DRC4: variants seen among roughly 807,000 people sequenced by gnomAD.
DRC4 encodes the protein GAS-11.
the DRC4 span, chr16:90,044,649 A>T: frequency 6.4e-6 from 3 of 469,254 alleles, no homozygotes; most frequent in East Asian, 7.0e-5. Context: ...GGCTGCAGAG[A>T]TGGGGACCAG....
the DRC4 span, chr16:90,042,228 G>T: frequency 8.8e-6 from 5 of 567,046 alleles, no homozygotes; most frequent in Non-Finnish European, 1.3e-5. Flanking sequence ...GAGCGGCAGT[G>T]CCTGGCCTGG....
At chr16:90,041,572 GA>G in the DRC4 span, among the ~76,000 whole-genome samples, 1 of 152,218 alleles carries the variant, frequency 6.6e-6, no homozygotes, top group Non-Finnish European at 1.5e-5. Flanking sequence ...TTGGGAGGCT[GA>G]GGTGGGCAGA....
At chr16:90,041,483 G>A in the DRC4 span, among the ~76,000 whole-genome samples, 8 of 152,308 alleles carry the variant, frequency 5.3e-5, no homozygotes, top group African/African-American at 1.7e-4. Flanking sequence ...CGGGGCCAGC[G>A]CTGCTGAAGA....
At chr16:90,032,181 A>G in the DRC4 span, among the ~76,000 whole-genome samples, 1 of 149,634 alleles carries the variant, frequency 6.7e-6, no homozygotes, top group Non-Finnish European at 1.5e-5. Context: ...GGGTACAGGT[A>G]TGTACAGGTG....
the DRC4 span, chr16:90,037,090 T>C: frequency 1.4e-6 from 1 of 736,652 alleles, no homozygotes; most frequent in Non-Finnish European, 2.2e-6. Flanking sequence ...TGTTTATACA[T>C]AGAAGACGTC....
chr16:90,031,543 C>G, the DRC4 span: 5 of 1,516,890 alleles, frequency 3.3e-6, no homozygotes, highest in Middle Eastern at 1.9e-4. Context: ...CCACAGAGCC[C>G]CAGAGGAGCT....
chr16:90,044,679 T>C, the DRC4 span: 1 of 462,082 alleles, frequency 2.2e-6, no homozygotes, highest in Non-Finnish European at 4.5e-6. Flanking sequence ...ACCCCAGCTT[T>C]CCTGGGTCTG....
At chr16:90,037,173 C>A in the DRC4 span, 1 of 1,512,640 alleles carries the variant, frequency 6.6e-7, no homozygotes, top group Non-Finnish European at 8.9e-7. Context: ...ACCATGCAGG[C>A]CACAGCCCCT....
At chr16:90,027,378 A>G in the DRC4 span, among the ~76,000 whole-genome samples, 88 of 152,154 alleles carry the variant, frequency 5.8e-4, no homozygotes, top group Non-Finnish European at 3.7e-4. Context: ...GTGAGCCACC[A>G]CGCCCGGCTC....
the DRC4 span, chr16:90,035,758 C>T: frequency 1.9e-6 from 3 of 1,613,734 alleles, no homozygotes; most frequent in South Asian, 3.3e-5. Flanking sequence ...AATTTACCTC[C>T]AGAGCTTGTT....
chr16:90,043,499 G>T, the DRC4 span: 1 of 784,084 alleles, frequency 1.3e-6, no homozygotes, highest in Non-Finnish European at 2.0e-6. Flanking sequence ...CTGGCTCTGT[G>T]GAGGAGAACC....
chr16:90,022,829 C>G, the DRC4 span: 1 of 1,116,566 alleles, frequency 9.0e-7, no homozygotes. Flanking sequence ...AGGCCTGGAG[C>G]GCTGGGTTTC....
chr16:90,035,367 C>T, the DRC4 span, among the ~76,000 whole-genome samples: 1 of 152,214 alleles, frequency 6.6e-6, no homozygotes, highest in African/African-American at 2.4e-5. Context: ...GGAAGCTACA[C>T]ACGGCACCTG....
chr16:90,042,579 C>A, the DRC4 span: 1 of 1,537,950 alleles, frequency 6.5e-7, no homozygotes, highest in Non-Finnish European at 9.0e-7. Flanking sequence ...CCCCTCGGTG[C>A]CCAGACTGTT....
chr16:90,034,672 T>C, the DRC4 span, among the ~76,000 whole-genome samples: 2 of 151,870 alleles, frequency 1.3e-5, no homozygotes, highest in African/African-American at 4.8e-5. Flanking sequence ...TTTATGCAAA[T>C]TTTAAATATA....
the DRC4 span, chr16:90,035,789 G>C: frequency 6.2e-7 from 1 of 1,610,364 alleles, no homozygotes; most frequent in Non-Finnish European, 8.5e-7. Flanking sequence ...GCAAAAACTG[G>C]ATTAAAACAG....
chr16:90,038,951 C>G, the DRC4 span, among the ~76,000 whole-genome samples: 1 of 152,234 alleles, frequency 6.6e-6, no homozygotes. Flanking sequence ...GTTTTGTTCT[C>G]TAACCTAATT....
the DRC4 span, among the ~76,000 whole-genome samples, chr16:90,032,451 CAGGTGAGGAG>C: frequency 2.9e-5 from 4 of 138,652 alleles, no homozygotes; most frequent in South Asian, 9.6e-4. Context: ...CAGGTATGGA[CAGGTGAGGAG>C]GTGTGGTACA....
At chr16:90,043,122 A>T in the DRC4 span, 7 of 1,488,468 alleles carry the variant, frequency 4.7e-6, no homozygotes, top group African/African-American at 5.6e-5. Flanking sequence ...CTGCCCCTCC[A>T]TGGAGCTGCA....
Sources: allele counts gnomAD v4.1 joint callset (sites outside exome capture counted in the v4.1 genomes callset), GRCh38; gene constraint gnomAD v4.1.1; transcripts MANE v1.5; gene names NCBI Gene and HGNC (gene_info 2026-07-23, HGNC 2026-07-21).